The following SHISA2 variants were observed in gnomAD, a reference collection of about 807,000 sequenced individuals.
The protein encoded by SHISA2 is shisa family member 2, also known as protein shisa-2 homolog.
In SHISA2, 16 loss-of-function variants were observed where a neutral mutation model predicts 23.8. The ratio of observed to expected loss-of-function variants is 0.67; its 90% CI spans 0.46 to 1.02. The LOEUF (loss-of-function observed/expected upper bound fraction) is 1.02. Among genes scored for constraint, SHISA2 ranks in the 50% least tolerant of loss-of-function variants. The pLI is 0.00. For synonymous variants in SHISA2, 201 were observed against 178.6 expected (o/e 1.13, Z -1.00); for missense variants, 459 against 420.1 (o/e 1.09, Z -0.81).
chr13:26,046,659 C>T lies in SHISA2; in HGVS notation c.742G>A (p.Val248Met), dbSNP rs752428453. ...GAGTCGTGCTGCACCGTGTACCCCA[C>T]GTATGGGGGATGCAGATACTGCCCT... ...HQGQYLHPPY[V>M]GYTVQHDSVP... Residue 248 changes from valine to methionine, a missense_variant, in exon 2 of 2, where the codon GTG (valine) becomes ATG (methionine). By Grantham distance (21) the Val-to-Met change is conservative (BLOSUM62 1). Coordinates refer to ENST00000319420, the MANE Select transcript of SHISA2 (RefSeq NM_001007538.2). 55 of 1,614,108 alleles carry T rather than the reference C, an allele frequency of 3.4e-5. No individual in the cohort carries two copies. The Middle Eastern group carries it at 6.6e-4, about 19-fold the overall frequency.
At position 26,050,762 on chromosome 13, in the gene SHISA2, A is replaced by G; in HGVS notation, c.214T>C (p.Leu72=). ...DATICCGSCA[L]RYCCSSAEAR... The stretch of plus-strand genomic sequence containing the variant: ...TCGGCGCTGGAGCAGCAGTAGCGCA[A>G]CGCGCAGCTGCCGCAGCAGATGGTG... Residue 72 remains leucine (L), a synonymous_variant, in exon 1 of 2, where the codon TTG becomes CTG. Transcript: ENST00000319420. 6.6e-7 allele frequency: 1 copy of G among 1,515,366 alleles called. No individual in the cohort carries two copies. 93.9% of individuals were successfully genotyped at this position (1,515,366 alleles called of 1,614,324 possible). A position where few individuals can be genotyped will look rare whatever the true frequency, so the allele number is the denominator to read the frequency against.
In SHISA2 at chr13:26,050,724, G is replaced by C. The variant is rs916354424; in HGVS notation, c.252C>G (p.Asp84Glu). Reference sequence around the variant, plus strand: ...GGCGGTCATTGTCGCAGCCGCCCTGGTCCAGGCGCGCCTCGGCGCTGGAGC... The same window carrying C: ...GGCGGTCATTGTCGCAGCCGCCCTGCTCCAGGCGCGCCTCGGCGCTGGAGC... Reference protein sequence around the residue: ...YCCSSAEARLDQGGCDNDRQQ... With the variant: ...YCCSSAEARLEQGGCDNDRQQ... The change falls in exon 1 of 2, where the codon GAC (aspartate) becomes GAG (glutamate). Residue 84 changes from aspartate (D) to glutamate (E), a missense_variant. Transcript: ENST00000319420. The C allele has an allele frequency of 5.4e-6, 8 of 1,494,774 alleles. No individual in the cohort carries two copies. In the Admixed American group the frequency reaches 1.3e-4, roughly 24 times the overall value. 92.6% of individuals were successfully genotyped at this position (1,494,774 alleles called of 1,614,324 possible).
At chr13:26,047,562 T>G (rs1046772839) in intron 1 of SHISA2, among the ~76,000 whole-genome samples, 1 of 152,266 alleles carries the variant, frequency 6.6e-6, no homozygotes, top group African/African-American at 2.4e-5. Context: ...TTTAGCAAGT[T>G]CTTTTTTCAT....
Position 26,046,477 on chromosome 13 carries a change from C to T in SHISA2, c.*36G>A. The T allele has an allele frequency of 1.9e-6, 3 of 1,544,176 alleles. No homozygotes were observed. The highest frequency in any genetic ancestry group is 1.2e-5 in the South Asian group (1 of 80,044). ...CTCGAGAATCCACCCCTGCCTTCGT[C>T]TCCCTTCAGTAAAGGAACCCACCAG... On this transcript the variant is annotated 3_prime_UTR_variant, in exon 2 of 2. Coordinates refer to ENST00000319420, the MANE Select transcript of SHISA2 (RefSeq NM_001007538.2).
Position 26,050,622 on chromosome 13 carries a change from C to A in SHISA2, c.334+20G>T. The A allele has an allele frequency of 2.9e-6, 4 of 1,387,008 alleles. No homozygotes were observed. In the South Asian group the frequency reaches 6.4e-5, roughly 22 times the overall value. 85.9% of individuals were successfully genotyped at this position (1,387,008 alleles called of 1,614,324 possible). A position where few individuals can be genotyped will look rare whatever the true frequency, so the allele number is the denominator to read the frequency against. ...AACGCCAACCGTCCTCCCTTTCGCG[C>A]TGGGCGCAGGCCGCCCTACCTGCCG... On this transcript the variant is annotated intron_variant, in intron 1 of 1. Transcript: ENST00000319420.
intron 1 of SHISA2, 66 bp from the exon 2 acceptor site, chr13:26,047,132 G>A (rs1048926515): frequency 1.4e-6 from 2 of 1,435,550 alleles, no homozygotes; most frequent in Non-Finnish European, 1.8e-6. Flanking sequence ...ATCGCCAACT[G>A]GCAATGGCAA....
Position 26,050,852 on chromosome 13 carries a change from G to C in SHISA2, c.124C>G (p.Leu42Val), listed in dbSNP as rs1341811541. The C allele has an allele frequency of 2.0e-6, 3 of 1,529,414 alleles. No homozygotes were observed. Among genetic ancestry groups the C allele is most frequent in the Non-Finnish European group, 2.6e-6 (3 of 1,147,026 alleles). 94.7% of individuals were successfully genotyped at this position (1,529,414 alleles called of 1,614,324 possible). A position where few individuals can be genotyped will look rare whatever the true frequency, so the allele number is the denominator to read the frequency against. Residue 42 changes from leucine to valine, a missense_variant, in exon 1 of 2, where the codon CTG (leucine) becomes GTG (valine). Physicochemically the swap from Leu to Val is conservative, Grantham distance 32. Transcript: ENST00000319420. ...ATGCGCCAGACGCCCTGCGCGTCCAGCCAGCCGTGGCAGTACTCGCCGCTG... is the reference window on the plus strand; with the variant it reads ...ATGCGCCAGACGCCCTGCGCGTCCACCCAGCCGTGGCAGTACTCGCCGCTG... ...RASGEYCHGW[L>V]DAQGVWRIGF...
In SHISA2 at chr13:26,051,520, C is replaced by T. The variant is rs1957304151; in HGVS notation, c.-545G>A. Among the ~76,000 whole-genome samples the T allele has an allele frequency of 6.6e-6, 1 of 152,226 alleles. No individual in the cohort carries two copies. The highest frequency in any genetic ancestry group is 6.5e-5 in the Admixed American group (1 of 15,292). ...GGCTCTGGGCAGCAAGTGACGCAGC[C>T]GGCCGCGCTCAGCCTCCTCTGCCCC... On this transcript the variant is annotated 5_prime_UTR_variant, in exon 1 of 2. Transcript: ENST00000319420.
chr13:26,051,990 G>C lies in SHISA2; in HGVS notation c.-1015C>G, dbSNP rs527583363. 1.9e-4 allele frequency among the ~76,000 whole-genome samples: 29 copies of C among 151,834 alleles called. No homozygotes were observed. The highest frequency in any genetic ancestry group is 1.6e-3 in the Admixed American group (25 of 15,264). ...GCCGCCCACAGCCTCGCCTCGCCCC[G>C]CCCGGCGCCAGACCAGCTCCGACTC... On this transcript the variant is annotated 5_prime_UTR_variant, in exon 1 of 2. Transcript: ENST00000319420.
Position 26,046,420 on chromosome 13 carries a change from C to T in SHISA2, c.*93G>A. 4.5e-6 allele frequency: 6 copies of T among 1,332,694 alleles called. No individual in the cohort carries two copies. Among genetic ancestry groups the T allele is most frequent in the Non-Finnish European group, 6.1e-6 (6 of 987,442 alleles). 82.6% of individuals were successfully genotyped at this position (1,332,694 alleles called of 1,614,324 possible). A position where few individuals can be genotyped will look rare whatever the true frequency, so the allele number is the denominator to read the frequency against. ...ATGAAGCCATCCAAAGGAATCGTGC[C>T]ATAAATACCACCGACATGTGCGGAC... On this transcript the variant is annotated 3_prime_UTR_variant, in exon 2 of 2. Transcript: ENST00000319420.
intron 1 of SHISA2, 142 bp downstream of exon 1, chr13:26,050,500 G>T (rs1004509897): frequency 2.3e-6 from 2 of 861,000 alleles, no homozygotes; most frequent in Non-Finnish European, 3.3e-6. Flanking sequence ...GACCCACACC[G>T]ACCAAATAAT....
Position 26,046,421 on chromosome 13 carries a change from A to G in SHISA2, c.*92T>C. 2 of 1,354,480 alleles carry G rather than the reference A, an allele frequency of 1.5e-6. No homozygotes were observed. The highest frequency in any genetic ancestry group is 2.0e-6 in the Non-Finnish European group (2 of 1,006,258). The allele number at this position is 1,354,480 out of a possible 1,614,324, so 83.9% of individuals were successfully genotyped here. On this transcript the variant is annotated 3_prime_UTR_variant, in exon 2 of 2. Transcript: ENST00000319420. ...TGAAGCCATCCAAAGGAATCGTGCC[A>G]TAAATACCACCGACATGTGCGGACT...
At chr13:26,050,608 T>C (rs992785085) in intron 1 of SHISA2, 34 bp downstream of exon 1, 5 of 1,380,702 alleles carry the variant, frequency 3.6e-6, no homozygotes, top group Non-Finnish European at 4.6e-6. Context: ...ACGCCAACCG[T>C]CCTCCCTTTC....
chr13:26,047,413 T>C (rs943205005), intron 1 of SHISA2, among the ~76,000 whole-genome samples: 2 of 152,200 alleles, frequency 1.3e-5, no homozygotes, highest in African/African-American at 4.8e-5. Context: ...CTTCCTACCA[T>C]AATCAAACTG....
Position 26,050,656 on chromosome 13 carries a change from G to A in SHISA2, c.320C>T (p.Pro107Leu). The change falls in exon 1 of 2, where the codon CCC becomes CTC. Residue 107 changes from proline (P) to leucine (L), a missense_variant. Coordinates refer to ENST00000319420, the MANE Select transcript of SHISA2 (RefSeq NM_001007538.2). ...GEPGRADKDG[P>L]DGSAVPIYVP... ...GGCCGCCCTACCTGCCGAGCCGTCG[G>A]GGCCGTCTTTGTCCGCCCGGCCAGG... The A allele has an allele frequency of 2.1e-6, 3 of 1,426,648 alleles. No homozygotes were observed. Among genetic ancestry groups the A allele is most frequent in the Non-Finnish European group, 2.7e-6 (3 of 1,099,386 alleles). The allele number at this position is 1,426,648 out of a possible 1,614,324, so 88.4% of individuals were successfully genotyped here.
intron 1 of SHISA2, among the ~76,000 whole-genome samples, chr13:26,048,286 G>C (rs1218011755): frequency 6.6e-6 from 1 of 152,146 alleles, no homozygotes; most frequent in Non-Finnish European, 1.5e-5. Flanking sequence ...CTGGGCAACA[G>C]ATTGAGATTC....
intron 1 of SHISA2, 129 bp downstream of exon 1, chr13:26,050,513 G>T: frequency 2.1e-6 from 2 of 960,120 alleles, no homozygotes; most frequent in Non-Finnish European, 2.9e-6. Flanking sequence ...CAAATAATAA[G>T]CCAGAAGGCA....
At position 26,051,248 on chromosome 13, in the gene SHISA2, A is replaced by T. The variant is rs2137490048; in HGVS notation, c.-273T>A. Reference sequence around the variant, plus strand: ...CTGATGGAAATCTCGGGATGCAGTCAGAAGGCCCCCGGGGCTGTCGTCCGG... The same window carrying T: ...CTGATGGAAATCTCGGGATGCAGTCTGAAGGCCCCCGGGGCTGTCGTCCGG... On this transcript the variant is annotated 5_prime_UTR_variant, in exon 1 of 2. The change abolishes the stop of an existing upstream ORF in the 5' untranslated region. Transcript: ENST00000319420. Among the ~76,000 whole-genome samples the T allele has an allele frequency of 6.6e-6, 1 of 152,274 alleles. No individual in the cohort carries two copies. Among genetic ancestry groups the T allele is most frequent in the African/African-American group, 2.4e-5 (1 of 41,570 alleles).
In SHISA2 at chr13:26,046,219, C is replaced by A. The variant is rs1957266020; in HGVS notation, c.*294G>T. The A allele has an allele frequency of 3.7e-6, 1 of 267,976 alleles. No individual in the cohort carries two copies. The highest frequency in any genetic ancestry group is 7.0e-6 in the Non-Finnish European group (1 of 142,272). 16.6% of individuals were successfully genotyped at this position (267,976 alleles called of 1,614,324 possible). On this transcript the variant is annotated 3_prime_UTR_variant, in exon 2 of 2. Transcript: ENST00000319420. ...CCTTAATTTATCAGTTTATAAAATTCTTTCGTCAACCATATCTCAAGGGCA... is the reference window on the plus strand; with the variant it reads ...CCTTAATTTATCAGTTTATAAAATTATTTCGTCAACCATATCTCAAGGGCA...
Sources: gnomAD v4.1 joint callset for allele counts (sites outside exome capture counted in the v4.1 genomes callset) on GRCh38, gnomAD v4.1.1 for gene constraint, MANE v1.5 for transcripts, NCBI Gene and HGNC (gene_info 2026-07-23, HGNC 2026-07-21) for gene names.